The following CXADR variants were observed in gnomAD, a reference collection of about 807,000 sequenced individuals.
CXADR encodes the protein CXADR cell adhesion molecule.
A neutral mutation model predicts 40.3 loss-of-function variants in CXADR; 20 were observed. That is an observed-to-expected ratio of 0.50 (90% CI 0.35 to 0.72). The LOEUF (loss-of-function observed/expected upper bound fraction) is 0.72, where lower values mean the gene tolerates loss of function less well. Ranked by LOEUF, CXADR falls within the 30% of genes least tolerant of loss-of-function variation. The pLI, the probability that CXADR is intolerant of heterozygous loss-of-function variation, is 0.01. For synonymous variants in CXADR, 150 were observed against 161.3 expected (o/e 0.93, Z 0.53); for missense variants, 332 against 449.1 (o/e 0.74, Z 2.36).
intron 1 of CXADR, among the ~76,000 whole-genome samples, chr21:17,514,460 C>G (rs1366864044): frequency 6.6e-6 from 1 of 151,700 alleles, no homozygotes; most frequent in Admixed American, 6.6e-5. Flanking sequence ...GATGAAGGGT[C>G]ATAGAACCAG....
At chr21:17,602,143 G>A in the CXADR span, among the ~76,000 whole-genome samples, 1 of 151,658 alleles carries the variant, frequency 6.6e-6, no homozygotes, top group Non-Finnish European at 1.5e-5. Flanking sequence ...GGAAAAAAAG[G>A]ATGGCAGAAA....
At position 17,560,811 on chromosome 21, in the gene CXADR, A is replaced by G. The variant is rs755433025; in HGVS notation, c.681A>G (p.Leu227=). Residue 227 remains leucine, a synonymous_variant, in exon 5 of 7, where the codon CTA becomes CTG. Transcript: ENST00000284878. ...RVGSDQCLLR[L]NVVPPSNKAG... ...GCTCTGATCAGTGCCTGTTGCGTCT[A>G]AACGTTGTCCCTCGTAAGTTATCTT... 3.7e-6 allele frequency: 6 copies of G among 1,613,660 alleles called. No individual in the cohort carries two copies. The East Asian group carries it at 1.1e-4, about 30-fold the overall frequency.
chr21:17,581,133 C>CT (rs1448702986), intron 7 of CXADR, among the ~76,000 whole-genome samples: 2 of 152,232 alleles, frequency 1.3e-5, no homozygotes, highest in East Asian at 1.9e-4. Flanking sequence ...ACAAAGCAAG[C>CT]TTTTTTTCTC....
rs193162989 is a variant in CXADR at position 17,542,030 on chromosome 21, T to A, written c.44-4997T>A. Reference sequence around the variant, plus strand: ...TTTGCCTGAAACAATTATTACTCTGTTTTTGCCAAATGGTGATTTTTTAAT... The same window carrying A: ...TTTGCCTGAAACAATTATTACTCTGATTTTGCCAAATGGTGATTTTTTAAT... On this transcript the variant is annotated intron_variant, in intron 1 of 6. Transcript: ENST00000284878. 1.0e-3 allele frequency: 370 copies of A among 366,738 alleles called. 6 individuals are homozygous for A. The Admixed American group carries it at 0.013, about 13-fold the overall frequency. 22.7% of individuals were successfully genotyped at this position (366,738 alleles called of 1,614,324 possible).
chr21:17,535,189 G>A (rs759912267), intron 1 of CXADR, among the ~76,000 whole-genome samples: 21 of 152,210 alleles, frequency 1.4e-4, no homozygotes, highest in African/African-American at 2.4e-4. Context: ...GGGCAGAGGC[G>A]CAGTCATGGC....
intron 7 of CXADR, among the ~76,000 whole-genome samples, chr21:17,584,356 G>A (rs766484753): frequency 2.0e-5 from 3 of 152,162 alleles, no homozygotes; most frequent in Non-Finnish European, 4.4e-5. Flanking sequence ...CTGTAACAGC[G>A]ATGTGAAGAT....
chr21:17,634,071 A>G, the CXADR span, among the ~76,000 whole-genome samples: 3 of 152,250 alleles, frequency 2.0e-5, no homozygotes, highest in African/African-American at 7.2e-5. Flanking sequence ...TGTGAAGCTT[A>G]TATCTCAGAA....
rs917420495 is a variant in CXADR at position 17,567,125 on chromosome 21, A to G, written c.*1433A>G. On this transcript the variant is annotated 3_prime_UTR_variant, in exon 7 of 7. Transcript: ENST00000284878. ...TGAGCCAACAGTTTCTTTATAATAA[A>G]TACGGTCTGCAATAAATTATTTCAC... The G allele has an allele frequency of 4.4e-5, 43 of 984,196 alleles. No homozygotes were observed. In the African/African-American group the frequency reaches 5.8e-4, roughly 13 times the overall value. The allele number at this position is 984,196 out of a possible 1,614,324, so 61.0% of individuals were successfully genotyped here.
chr21:17,530,017 C>T (rs1001918426), intron 1 of CXADR, among the ~76,000 whole-genome samples: 15 of 150,782 alleles, frequency 9.9e-5, no homozygotes, highest in Admixed American at 7.3e-4. Context: ...GGCTTGATCT[C>T]GACTCACTGC....
At chr21:17,541,281 G>A (rs1219518998) in intron 1 of CXADR, among the ~76,000 whole-genome samples, 1 of 152,048 alleles carries the variant, frequency 6.6e-6, no homozygotes, top group Non-Finnish European at 1.5e-5. Flanking sequence ...GGCTGGGCGC[G>A]GTGGCTCACG....
Position 17,569,866 on chromosome 21 carries a change from A to G in CXADR, c.*4174A>G, listed in dbSNP as rs907302437. The G allele has an allele frequency of 2.0e-6, 2 of 984,908 alleles. No individual in the cohort carries two copies. The highest frequency in any genetic ancestry group is 2.4e-6 in the Non-Finnish European group (2 of 829,466). The allele number at this position is 984,908 out of a possible 1,614,324, so 61.0% of individuals were successfully genotyped here. On this transcript the variant is annotated 3_prime_UTR_variant, in exon 7 of 7. Transcript: ENST00000284878. ...CATTGATTCACTTATTCTTTTCCCT[A>G]ATTGTGAATTTTAGTGATAAATACA...
At position 17,561,204 on chromosome 21, in the gene CXADR, C is replaced by T. The variant is rs151308309; in HGVS notation, c.695-134C>T. The T allele has an allele frequency of 4.3e-4, 246 of 573,374 alleles. 1 individual carries two copies. Among genetic ancestry groups the T allele is most frequent in the Middle Eastern group, 4.0e-3 (8 of 2,024 alleles). The allele number at this position is 573,374 out of a possible 1,614,324, so 35.5% of individuals were successfully genotyped here. A position where few individuals can be genotyped will look rare whatever the true frequency, so the allele number is the denominator to read the frequency against. Reference sequence around the variant, plus strand: ...CAGTTCTTTTTATGAATTTTTCCCCCGGATCAAAAAGACTAAATAATTTGT... The same window carrying T: ...CAGTTCTTTTTATGAATTTTTCCCCTGGATCAAAAAGACTAAATAATTTGT... On this transcript the variant is annotated intron_variant, in intron 5 of 6. Coordinates refer to ENST00000284878, the MANE Select transcript of CXADR (RefSeq NM_001338.5).
At chr21:17,616,664 T>C in the CXADR span, among the ~76,000 whole-genome samples, 1 of 152,072 alleles carries the variant, frequency 6.6e-6, no homozygotes, top group East Asian at 1.9e-4. Flanking sequence ...GTATGTAACA[T>C]AGAGGATGTT....
downstream of CXADR, chr21:17,593,649 G>A (rs913951245): frequency 2.5e-5 from 4 of 162,042 alleles, no homozygotes; most frequent in South Asian, 2.0e-4. Flanking sequence ...AGAAACACGC[G>A]TTGTCATGCC....
At chr21:17,530,112 C>G (rs960158961) in intron 1 of CXADR, among the ~76,000 whole-genome samples, 1 of 24,428 alleles carries the variant, frequency 4.1e-5, no homozygotes, top group African/African-American at 1.0e-4. Flanking sequence ...CCATGCCAGG[C>G]TATTTTTTTT....
intron 7 of CXADR, among the ~76,000 whole-genome samples, chr21:17,592,437 ATACAGATGAAAAACC>A (rs1446911710): frequency 6.6e-6 from 1 of 151,934 alleles, no homozygotes; most frequent in African/African-American, 2.4e-5. Context: ...ACATGGTTAA[ATACAGATGAAAAACC>A]TACAGATGAG....
At chr21:17,518,541 T>A in intron 1 of CXADR, 3 of 1,008,940 alleles carry the variant, frequency 3.0e-6, no homozygotes, top group Non-Finnish European at 4.8e-6. Flanking sequence ...CATTCTTTGA[T>A]GCCTCATCAA....
At chr21:17,635,601 G>C in the CXADR span, among the ~76,000 whole-genome samples, 4 of 152,068 alleles carry the variant, frequency 2.6e-5, no homozygotes, top group Admixed American at 2.6e-4. Flanking sequence ...AAATCAAAAA[G>C]TTTTTGAGCT....
At chr21:17,616,181 G>T in the CXADR span, among the ~76,000 whole-genome samples, 1 of 151,724 alleles carries the variant, frequency 6.6e-6, no homozygotes, top group South Asian at 2.1e-4. Flanking sequence ...AACCTGGGAG[G>T]TGGAGGTTGC....
Sources: gnomAD v4.1 joint callset for allele counts (sites outside exome capture counted in the v4.1 genomes callset) on GRCh38, gnomAD v4.1.1 for gene constraint, MANE v1.5 for transcripts, NCBI Gene and HGNC (gene_info 2026-07-23, HGNC 2026-07-21) for gene names.